ERC2: variants seen among roughly 807,000 people sequenced by gnomAD.
ERC2 encodes the protein ERC protein 2.
In ERC2, 42 loss-of-function variants were observed where a neutral mutation model predicts 114.8. The observed-to-expected ratio is 0.37, with a 90% confidence interval of 0.29 to 0.47. The LOEUF is 0.47. ERC2 is among the 20% of genes least tolerant of loss of function. The probability of loss-of-function intolerance (pLI) is 0.99; values close to 1 mark genes in which losing one functional copy is unlikely to be tolerated. For synonymous variants in ERC2, 454 were observed against 425.5 expected, an observed-to-expected ratio of 1.07 and a Z score of -0.82; for missense variants, 939 against 1,150.7, an observed-to-expected ratio of 0.82 and a Z score of 2.66.
chr3:55,847,953 C>A (rs140812600), intron 14 of ERC2, among the ~76,000 whole-genome samples: 2 of 152,038 alleles, frequency 1.3e-5, no homozygotes, highest in East Asian at 1.9e-4. Flanking sequence ...TGTGCCACCA[C>A]GCCTGGCTAA....
chr3:56,466,373 GA>G (rs962819198), intron 1 of ERC2, among the ~76,000 whole-genome samples: 30 of 152,190 alleles, frequency 2.0e-4, no homozygotes, highest in African/African-American at 7.0e-4. Flanking sequence ...GAAGGGTGTT[GA>G]AAAATCAGGC....
At chr3:56,428,164 C>T (rs941951308) in intron 2 of ERC2, among the ~76,000 whole-genome samples, 6 of 152,170 alleles carry the variant, frequency 3.9e-5, no homozygotes, top group Non-Finnish European at 5.9e-5. Flanking sequence ...CACAACTCAT[C>T]ATATCTGGAC....
intron 6 of ERC2, among the ~76,000 whole-genome samples, chr3:56,125,790 T>C (rs1481990290): frequency 1.3e-5 from 2 of 152,226 alleles, no homozygotes; most frequent in East Asian, 1.9e-4. Context: ...GTTGCCATCA[T>C]GTTTGGAATA....
chr3:56,383,873 C>T (rs2059843523), intron 2 of ERC2, among the ~76,000 whole-genome samples: 1 of 152,132 alleles, frequency 6.6e-6, no homozygotes, highest in Non-Finnish European at 1.5e-5. Flanking sequence ...TCCCTCCAGC[C>T]CCTGGCAACC....
At chr3:56,327,879 G>A (rs1271711969) in intron 2 of ERC2, among the ~76,000 whole-genome samples, 2 of 152,186 alleles carry the variant, frequency 1.3e-5, no homozygotes, top group Non-Finnish European at 2.9e-5. Context: ...CATTAGTAAG[G>A]AAGATTCCTT....
intron 7 of ERC2, among the ~76,000 whole-genome samples, chr3:56,040,395 C>T (rs1278975369): frequency 6.6e-5 from 10 of 151,012 alleles, no homozygotes; most frequent in Non-Finnish European, 1.3e-4. Flanking sequence ...CCCTCTGTCA[C>T]CTAGGCCGGA....
chr3:55,556,251 G>T (rs1160101036), intron 17 of ERC2, among the ~76,000 whole-genome samples: 1 of 152,170 alleles, frequency 6.6e-6, no homozygotes, highest in Non-Finnish European at 1.5e-5. Flanking sequence ...CTAGGCCTGA[G>T]TACCCTTTCT....
At chr3:56,021,830 T>G (rs988930510) in intron 7 of ERC2, among the ~76,000 whole-genome samples, 17 of 152,236 alleles carry the variant, frequency 1.1e-4, no homozygotes, top group Non-Finnish European at 2.1e-4. Flanking sequence ...GTATTTGGTT[T>G]TCCGTTTCTG....
intron 9 of ERC2, among the ~76,000 whole-genome samples, chr3:56,009,568 C>G (rs549345391): frequency 2.0e-4 from 31 of 152,284 alleles, no homozygotes; most frequent in South Asian, 1.7e-3. Flanking sequence ...TACCGTCCAG[C>G]AGGGTGAAAG....
At chr3:56,003,270 T>C (rs2072222393) in intron 10 of ERC2, 1 of 481,864 alleles carries the variant, frequency 2.1e-6, no homozygotes, top group Non-Finnish European at 3.3e-6. Flanking sequence ...AATTTCAGTT[T>C]CTAAACATTC....
At chr3:56,293,568 A>G (rs2055229045) in intron 3 of ERC2, among the ~76,000 whole-genome samples, 1 of 152,222 alleles carries the variant, frequency 6.6e-6, no homozygotes, top group Admixed American at 6.5e-5. Context: ...TCAGGCCTTC[A>G]AGTCTTGTTT....
chr3:55,702,938 T>C (rs1042973571), intron 15 of ERC2, among the ~76,000 whole-genome samples: 13 of 152,210 alleles, frequency 8.5e-5, no homozygotes, highest in African/African-American at 3.1e-4. Context: ...AGGCCCATTT[T>C]TATTTCCTTT....
At chr3:56,398,607 G>A (rs1287049985) in intron 2 of ERC2, among the ~76,000 whole-genome samples, 1 of 151,420 alleles carries the variant, frequency 6.6e-6, no homozygotes, top group African/African-American at 2.4e-5. Context: ...ATACATATAT[G>A]TGTTTGTGTA....
chr3:56,165,431 T>C (rs1381949626), intron 4 of ERC2, among the ~76,000 whole-genome samples: 1 of 151,792 alleles, frequency 6.6e-6, no homozygotes, highest in Admixed American at 6.6e-5. Flanking sequence ...TAACTCGTCA[T>C]CTAGCATTAG....
At chr3:55,578,998 G>A (rs1461677233) in intron 17 of ERC2, among the ~76,000 whole-genome samples, 1 of 152,172 alleles carries the variant, frequency 6.6e-6, no homozygotes, top group Non-Finnish European at 1.5e-5. Flanking sequence ...GCTTAGGCTG[G>A]GAAGTGGCGT....
chr3:55,569,861 A>ATTT (rs375004734), intron 17 of ERC2, among the ~76,000 whole-genome samples: 12 of 125,200 alleles, frequency 9.6e-5, no homozygotes, highest in Non-Finnish European at 1.4e-4. Flanking sequence ...CTTCATTTCT[A>ATTT]TTTTTTTTTT....
At chr3:56,074,309 G>A (rs1200134334) in intron 7 of ERC2, among the ~76,000 whole-genome samples, 1 of 152,114 alleles carries the variant, frequency 6.6e-6, no homozygotes, top group East Asian at 1.9e-4. Flanking sequence ...AAGCCATTAG[G>A]TCTGTTACAA....
At chr3:56,339,188 A>G (rs2150485047) in intron 2 of ERC2, among the ~76,000 whole-genome samples, 1 of 152,332 alleles carries the variant, frequency 6.6e-6, no homozygotes, top group East Asian at 1.9e-4. Flanking sequence ...CAATTGAATC[A>G]GGAAAATAGA....
intron 17 of ERC2, among the ~76,000 whole-genome samples, chr3:55,574,395 T>C (rs1380513976): frequency 6.6e-6 from 1 of 152,116 alleles, no homozygotes; most frequent in East Asian, 1.9e-4. Flanking sequence ...ATCTGGCCGA[T>C]GCATGAGGGG....
Sources: allele counts gnomAD v4.1 joint callset (sites outside exome capture counted in the v4.1 genomes callset), GRCh38; gene constraint gnomAD v4.1.1; transcripts MANE v1.5; gene names NCBI Gene and HGNC (gene_info 2026-07-23, HGNC 2026-07-21).